DHX38: variants seen among roughly 807,000 people sequenced by gnomAD.
The protein encoded by DHX38 is DEAH-box helicase 38, also known as pre-mRNA-splicing factor ATP-dependent RNA helicase PRP16.
A neutral mutation model predicts 153.1 loss-of-function variants in DHX38; 100 were observed. The ratio of observed to expected loss-of-function variants is 0.65; its 90% CI spans 0.56 to 0.77. The LOEUF (loss-of-function observed/expected upper bound fraction) is 0.77, where lower values mean the gene tolerates loss of function less well. Ranked by LOEUF, DHX38 falls within the 30% of genes least tolerant of loss-of-function variation. The pLI is 0.00. For synonymous variants in DHX38, 650 were observed against 631.7 expected, an observed-to-expected ratio of 1.03 and a Z score of -0.43; for missense variants, 1,440 against 1,654.0, an observed-to-expected ratio of 0.87 and a Z score of 2.24.
In DHX38 at chr16:72,096,470, C is replaced by T. The variant is rs1019646325; in HGVS notation, c.313C>T (p.Arg105Trp). 15 of 1,611,846 alleles carry T rather than the reference C, an allele frequency of 9.3e-6. No individual in the cohort carries two copies. The highest frequency in any genetic ancestry group is 4.5e-5 in the East Asian group (2 of 44,856). Residue 105 changes from arginine (R) to tryptophan (W), a missense_variant, in exon 2 of 27, where the codon CGG (arginine) becomes TGG (tryptophan). This residue lies in a region of DHX38 where 483 missense variants were observed against 465.1 expected (regional missense o/e 1.04). Coordinates refer to ENST00000268482, the MANE Select transcript of DHX38 (RefSeq NM_014003.4). ...EGGDQAGQNI[R>W]KDRHYRSARV... is the part of the protein sequence containing the mutation. The stretch of plus-strand genomic sequence containing the variant: ...CGGTGACCAGGCTGGCCAAAATATC[C>T]GGAAAGACAGGTAAAGGCCTTAGTA...
chr16:72,104,924 A>G lies in DHX38; in HGVS notation c.2152-103A>G, dbSNP rs1309343149. ...GGAGGTGTGGTGGCCCTCAAAGTCC[A>G]TGGCTCCATTCCAGAGCAGTGCCTG... On this transcript the variant is annotated intron_variant, in intron 15 of 26. Transcript: ENST00000268482. This position sits in a 1 kb window ranked among gnomAD's most constrained non-coding sequence, Gnocchi z 4.5. The G allele has an allele frequency of 1.2e-4, 139 of 1,195,736 alleles. No individual in the cohort carries two copies. In the East Asian group the frequency reaches 3.5e-3, roughly 30 times the overall value. The allele number at this position is 1,195,736 out of a possible 1,614,324, so 74.1% of individuals were successfully genotyped here. A position where few individuals can be genotyped will look rare whatever the true frequency, so the allele number is the denominator to read the frequency against.
At chr16:72,094,400 C>T (rs7194397) in intron 1 of DHX38, 75,553 of 152,124 alleles carry the variant, frequency 0.5, 20,685 homozygotes, top group African/African-American at 0.74. Context: ...CTCACAGTGT[C>T]ATTTATACCA....
In DHX38 at chr16:72,106,041, A is replaced by T; in HGVS notation, c.2524A>T (p.Ile842Phe). 6.2e-7 allele frequency: 1 copy of T among 1,614,176 alleles called. No homozygotes were observed. Among genetic ancestry groups the T allele is most frequent in the South Asian group, 1.1e-5 (1 of 91,080 alleles). ...NPRIGMDALQ[I>F]YPISQANANQ... is the part of the protein sequence containing the mutation. ...CAGGATTGGCATGGATGCTCTGCAG[A>T]TCTATCCCATTAGCCAGGCCAATGC... The change falls in exon 19 of 27, where the codon ATC becomes TTC. Residue 842 changes from isoleucine to phenylalanine, a missense_variant. Physicochemically the swap from Ile to Phe is conservative, Grantham distance 21 (BLOSUM62 0). This residue lies in a region of DHX38 where 543 missense variants were observed against 717.9 expected (regional missense o/e 0.76). Coordinates refer to ENST00000268482, the MANE Select transcript of DHX38 (RefSeq NM_014003.4).
rs1229605471 is a variant in DHX38 at position 72,099,989 on chromosome 16, T to C, written c.1116+102T>C. 2.1e-6 allele frequency: 3 copies of C among 1,455,612 alleles called. No individual in the cohort carries two copies. In the Admixed American group the frequency reaches 6.1e-5, roughly 30 times the overall value. The allele number at this position is 1,455,612 out of a possible 1,614,324, so 90.2% of individuals were successfully genotyped here. On this transcript the variant is annotated intron_variant, in intron 8 of 26. Transcript: ENST00000268482. The stretch of plus-strand genomic sequence containing the variant: ...AGTGAGGGCAGCACAGCTTGTCCCC[T>C]GATTGCCGAGAAGCCCAGATCCTCT...
rs758042333 is a variant in DHX38, at chr16:72,112,438, C to T, written c.3625C>T (p.Arg1209Trp). 12 of 1,610,868 alleles carry T rather than the reference C, an allele frequency of 7.4e-6. No individual in the cohort carries two copies. The highest frequency in any genetic ancestry group is 4.5e-5 in the East Asian group (2 of 44,868). ...GTCTACGAAGATCTACACTCCAGGCCGGAAAGAGCAAGGGGAGCCCATGAC... is the reference window on the plus strand; with the variant it reads ...GTCTACGAAGATCTACACTCCAGGCTGGAAAGAGCAAGGGGAGCCCATGAC... ...VRSTKIYTPG[R>W]KEQGEPMTPR... The change falls in exon 27 of 27, where the codon CGG (arginine) becomes TGG (tryptophan). Residue 1209 changes from arginine (R) to tryptophan (W), a missense_variant. Around this residue, in one of 6 missense-constraint regions of DHX38, gnomAD observed 75 missense variants for 69.5 expected, o/e 1.08. Coordinates refer to ENST00000268482, the MANE Select transcript of DHX38 (RefSeq NM_014003.4).
At chr16:72,096,033 G>C in intron 1 of DHX38, 106 bp from the exon 2 acceptor site, 1 of 1,170,346 alleles carries the variant, frequency 8.5e-7, no homozygotes, top group Non-Finnish European at 1.2e-6. Flanking sequence ...GGTCTTAAGG[G>C]GAGATGGGGA....
intron 25 of DHX38, among the ~76,000 whole-genome samples, chr16:72,110,139 C>T (rs986559968): frequency 6.6e-6 from 1 of 152,184 alleles, no homozygotes; most frequent in Non-Finnish European, 1.5e-5. Context: ...ACAGGCTCCA[C>T]CCCACGCTTT....
In DHX38 at chr16:72,099,802, C is replaced by G. The variant is rs553951253; in HGVS notation, c.1031C>G (p.Ser344Cys). ...DEFHNPLAYS[S>C]EDYVRRREQH... ...TTCCACAACCCGCTGGCCTACTCCT[C>G]CGAGGACTACGTGAGGAGGCGGGAG... Residue 344 changes from serine to cysteine, a missense_variant, in exon 8 of 27, where the codon TCC becomes TGC. Physicochemically the swap from Ser to Cys is moderately radical, Grantham distance 112. Coordinates refer to ENST00000268482, the MANE Select transcript of DHX38 (RefSeq NM_014003.4). The G allele has an allele frequency of 1.2e-6, 2 of 1,614,182 alleles. No homozygotes were observed. Among genetic ancestry groups the G allele is most frequent in the African/African-American group, 1.3e-5 (1 of 75,074 alleles).
intron 11 of DHX38, 100 bp from the exon 12 acceptor site, chr16:72,102,974 G>A (rs1485066113): frequency 2.3e-5 from 34 of 1,510,604 alleles, no homozygotes; most frequent in Middle Eastern, 2.0e-4. Flanking sequence ...GACTCTTGCC[G>A]AAGTCCTCAT....
At chr16:72,105,461 G>C in intron 17 of DHX38, 56 bp from the exon 18 acceptor site, 1 of 1,607,886 alleles carries the variant, frequency 6.2e-7, no homozygotes, top group South Asian at 1.1e-5. Flanking sequence ...TCCCCCTCGC[G>C]GAGCCTTTCC....
chr16:72,102,996 G>A (rs2042120917), intron 11 of DHX38, 78 bp from the exon 12 acceptor site: 24 of 1,574,362 alleles, frequency 1.5e-5, no homozygotes, highest in Non-Finnish European at 2.1e-5. Context: ...CCTGAGCGTA[G>A]GAAGGAGGGC....
rs778448564 is a variant in DHX38 at position 72,101,055 on chromosome 16, C to T, written c.1279-31C>T. ...AACATGGCCTTCTTGCTGATTTTAA[C>T]GGGCATCGCTCTTTCTCCCCACTGC... is the stretch of plus-strand genomic sequence containing the variant. On this transcript the variant is annotated intron_variant, in intron 9 of 26. Coordinates refer to ENST00000268482, the MANE Select transcript of DHX38 (RefSeq NM_014003.4). 37 of 1,602,496 alleles carry T rather than the reference C, an allele frequency of 2.3e-5. No individual in the cohort carries two copies. In the African/African-American group the frequency reaches 2.4e-4, roughly 10 times the overall value.
rs1441044161 is a variant in DHX38 at position 72,107,606 on chromosome 16, C to T, written c.2810-39C>T. 6.2e-7 allele frequency: 1 copy of T among 1,611,036 alleles called. No individual in the cohort carries two copies. The highest frequency in any genetic ancestry group is 1.7e-5 in the Admixed American group (1 of 59,986). On this transcript the variant is annotated intron_variant, in intron 20 of 26. Transcript: ENST00000268482. The surrounding 1 kb of genome is among the most constrained non-coding windows in gnomAD (Gnocchi z 5.3). ...GCGCTTGACTTCCTTCTTTCCTCTA[C>T]TGTCCCGTCAAATATCCGGGTTTGC...
Position 72,107,283 on chromosome 16 carries a change from G to A in DHX38, c.2601-57G>A. On this transcript the variant is annotated intron_variant, in intron 19 of 26. Transcript: ENST00000268482. This position sits in a 1 kb window ranked among gnomAD's most constrained non-coding sequence, Gnocchi z 5.3. Reference sequence around the variant, plus strand: ...CCTCCCTCCCTGTGGGATTTCATCTGTACTGGCTGCTGTGGGGTTTCCTTG... The same window carrying A: ...CCTCCCTCCCTGTGGGATTTCATCTATACTGGCTGCTGTGGGGTTTCCTTG... The A allele has an allele frequency of 6.5e-7, 1 of 1,544,160 alleles. No homozygotes were observed. The highest frequency in any genetic ancestry group is 8.7e-7 in the Non-Finnish European group (1 of 1,143,252).
At chr16:72,112,318 TTAGGAACAG>T in intron 26 of DHX38, 86 bp from the exon 27 acceptor site, 1 of 1,264,180 alleles carries the variant, frequency 7.9e-7, no homozygotes, top group South Asian at 1.2e-5. Flanking sequence ...CCACCATGGG[TTAGGAACAG>T]TAAGTCCTGG....
chr16:72,105,727 G>A, intron 18 of DHX38, 103 bp downstream of exon 18: 1 of 1,156,348 alleles, frequency 8.6e-7, no homozygotes, highest in Non-Finnish European at 1.3e-6. Context: ...GATGTGGGGA[G>A]CGCGTGGAAG....
In DHX38 at chr16:72,106,131, G is replaced by T; in HGVS notation, c.2600+14G>T. The stretch of plus-strand genomic sequence containing the variant: ...TCAGTGTTTCAGGTAGGAGCCCTGT[G>T]CTAGCCTGCTTTCTGGGGCAGCGCT... On this transcript the variant is annotated intron_variant, in intron 19 of 26. Transcript: ENST00000268482. 1 of 1,613,090 alleles carries T rather than the reference G, an allele frequency of 6.2e-7. No homozygotes were observed.
At chr16:72,111,715 ACT>A (rs1210093499) in intron 26 of DHX38, among the ~76,000 whole-genome samples, 1 of 152,206 alleles carries the variant, frequency 6.6e-6, no homozygotes, top group Non-Finnish European at 1.5e-5. Context: ...CCCGTGGCAC[ACT>A]GATGCATGAC....
Position 72,105,141 on chromosome 16 carries a change from C to G in DHX38, c.2262+4C>G, listed in dbSNP as rs780211574. On this transcript the variant is annotated splice_donor_region_variant and intron_variant, in intron 16 of 26. Transcript: ENST00000268482. ...GCCTGGCCAAGAGGACATTGAGGTGCGTGCCTTGGTCACGACTGTGATGAG... is the reference window on the plus strand; with the variant it reads ...GCCTGGCCAAGAGGACATTGAGGTGGGTGCCTTGGTCACGACTGTGATGAG... 1.7e-5 allele frequency: 27 copies of G among 1,613,954 alleles called. No individual in the cohort carries two copies. Among genetic ancestry groups the G allele is most frequent in the Non-Finnish European group, 2.0e-5 (24 of 1,179,940 alleles).
Sources: allele counts gnomAD v4.1 joint callset (sites outside exome capture counted in the v4.1 genomes callset), GRCh38; gene constraint gnomAD v4.1.1; regional missense constraint gnomAD v4.1.1; non-coding constraint Gnocchi (gnomAD v3.1); transcripts MANE v1.5; gene names NCBI Gene and HGNC (gene_info 2026-07-23, HGNC 2026-07-21).